The following PRKCE variants were observed in gnomAD, a reference collection of about 807,000 sequenced individuals.
PRKCE encodes the protein protein kinase C epsilon.
A neutral mutation model predicts 85.4 loss-of-function variants in PRKCE; 16 were observed. The observed-to-expected ratio is 0.19, with a 90% CI of 0.13 to 0.28. The LOEUF (loss-of-function observed/expected upper bound fraction) is 0.28. Ranked by LOEUF, PRKCE falls within the 10% of genes least tolerant of loss-of-function variation. PRKCE has a pLI of 1.00. For synonymous variants in PRKCE, 388 were observed against 371.5 expected (o/e 1.04, Z -0.51); for missense variants, 573 against 975.2 (o/e 0.59, Z 5.49).
At chr2:46,160,891 G>A (rs1423101865) in intron 14 of PRKCE, among the ~76,000 whole-genome samples, 2 of 152,190 alleles carry the variant, frequency 1.3e-5, no homozygotes, top group South Asian at 2.1e-4. Flanking sequence ...GTCAGTGGAC[G>A]GGTGTGGTCC....
chr2:45,938,569 C>T (rs1178921494), intron 2 of PRKCE, among the ~76,000 whole-genome samples: 3 of 152,150 alleles, frequency 2.0e-5, no homozygotes. Flanking sequence ...AGCCTTGCAG[C>T]AGCTATTTAT....
intron 1 of PRKCE, among the ~76,000 whole-genome samples, chr2:45,808,900 G>T (rs192933710): frequency 3.5e-4 from 53 of 152,260 alleles, no homozygotes; most frequent in Non-Finnish European, 5.6e-4. Context: ...CATGAACAGA[G>T]CTATAGTTTG....
Position 46,163,000 on chromosome 2 carries a change from A to G in PRKCE, c.2067+3248A>G, listed in dbSNP as rs180834964. The stretch of plus-strand genomic sequence containing the variant: ...TAAAGCCCATGGCAGTGATGCACAT[A>G]CTGCATTTCTCATCTCAGAAAGCCT... On this transcript the variant is annotated intron_variant, in intron 14 of 14. Transcript: ENST00000306156. Among the ~76,000 whole-genome samples the G allele has an allele frequency of 2.2e-3, 334 of 152,390 alleles. 1 individual carries two copies. Among genetic ancestry groups the G allele is most frequent in the Non-Finnish European group, 2.5e-3 (173 of 68,042 alleles).
At chr2:45,703,115 T>G (rs1260199710) in intron 1 of PRKCE, among the ~76,000 whole-genome samples, 5 of 75,364 alleles carry the variant, frequency 6.6e-5, no homozygotes, top group Non-Finnish European at 1.3e-4. Flanking sequence ...CCTCAGCTTC[T>G]GTTTTATTTA....
chr2:45,908,119 G>A (rs1290399181), intron 2 of PRKCE, among the ~76,000 whole-genome samples: 1 of 152,144 alleles, frequency 6.6e-6, no homozygotes, highest in Non-Finnish European at 1.5e-5. Flanking sequence ...TGATCATACC[G>A]CTGGCCAAGG....
chr2:45,967,854 CA>C (rs2104469797), intron 2 of PRKCE, among the ~76,000 whole-genome samples: 2 of 152,180 alleles, frequency 1.3e-5, no homozygotes, highest in African/African-American at 4.8e-5. Context: ...GGATATGAGG[CA>C]GGTTTTGGGA....
chr2:46,135,303 G>A (rs920677986), intron 11 of PRKCE, among the ~76,000 whole-genome samples: 1 of 152,212 alleles, frequency 6.6e-6, no homozygotes, highest in East Asian at 1.9e-4. Flanking sequence ...AAGGGCGGGC[G>A]TGTGGACACG....
intron 2 of PRKCE, among the ~76,000 whole-genome samples, chr2:45,964,820 T>A (rs781480356): frequency 1.3e-5 from 2 of 152,222 alleles, no homozygotes; most frequent in Non-Finnish European, 2.9e-5. Flanking sequence ...TGACTCAGTT[T>A]ACTCTAATGC....
At chr2:45,944,616 G>A (rs535964425) in intron 2 of PRKCE, among the ~76,000 whole-genome samples, 15 of 148,198 alleles carry the variant, frequency 1.0e-4, no homozygotes, top group Admixed American at 2.7e-4. Flanking sequence ...AGTCTCCCAA[G>A]TAGCCGGGAC....
At chr2:45,860,137 A>G (rs1693027635) in intron 2 of PRKCE, among the ~76,000 whole-genome samples, 1 of 152,144 alleles carries the variant, frequency 6.6e-6, no homozygotes, top group African/African-American at 2.4e-5. Flanking sequence ...AATCTTATCT[A>G]AGTTGTTTAT....
intron 2 of PRKCE, among the ~76,000 whole-genome samples, chr2:45,956,175 C>T (rs181060380): frequency 2.1e-4 from 32 of 152,268 alleles, no homozygotes; most frequent in South Asian, 2.1e-3. Flanking sequence ...AATAGAACTC[C>T]GCACTTTATA....
intron 1 of PRKCE, among the ~76,000 whole-genome samples, chr2:45,668,938 A>G (rs1402971766): frequency 2.6e-5 from 4 of 152,200 alleles, no homozygotes; most frequent in Non-Finnish European, 5.9e-5. Context: ...AGGGACTAGA[A>G]TGGGACTCAG....
intron 2 of PRKCE, among the ~76,000 whole-genome samples, chr2:45,878,925 G>T (rs1361264229): frequency 6.6e-6 from 1 of 152,138 alleles, no homozygotes; most frequent in Non-Finnish European, 1.5e-5. Flanking sequence ...GCCTATTGTA[G>T]ACATCTTTTT....
intron 10 of PRKCE, among the ~76,000 whole-genome samples, chr2:46,011,308 G>A (rs553970018): frequency 1.3e-5 from 2 of 152,354 alleles, no homozygotes; most frequent in African/African-American, 4.8e-5. Context: ...CCCTGAGGGT[G>A]ACATCATGGA....
At chr2:45,680,341 G>C (rs1014289623) in intron 1 of PRKCE, among the ~76,000 whole-genome samples, 2 of 152,202 alleles carry the variant, frequency 1.3e-5, no homozygotes, top group African/African-American at 2.4e-5. Flanking sequence ...GCATACAACC[G>C]CTCTGTGTGC....
In PRKCE at chr2:46,069,457, T is replaced by C. The variant is rs146595404; in HGVS notation, c.1438-16751T>C. On this transcript the variant is annotated intron_variant, in intron 10 of 14. Coordinates refer to ENST00000306156, the MANE Select transcript of PRKCE (RefSeq NM_005400.3). Reference sequence around the variant, plus strand: ...TACTCCAATCAACAATAAGAACAACTATAGGGTACTTAGAGTTTAGAACAT... The same window carrying C: ...TACTCCAATCAACAATAAGAACAACCATAGGGTACTTAGAGTTTAGAACAT... Among the ~76,000 whole-genome samples, 195 of 152,314 alleles carry C rather than the reference T, an allele frequency of 1.3e-3. 1 individual carries two copies. The East Asian group carries it at 0.014, about 11-fold the overall frequency.
At chr2:46,163,026 C>G (rs1347861468) in intron 14 of PRKCE, among the ~76,000 whole-genome samples, 7 of 152,232 alleles carry the variant, frequency 4.6e-5, no homozygotes, top group African/African-American at 1.4e-4. Context: ...CAGAAAGCCT[C>G]AAAAGACTAG....
chr2:46,080,972 T>TACACACACACACACACACAC (rs112421012), intron 10 of PRKCE, among the ~76,000 whole-genome samples: 24 of 147,692 alleles, frequency 1.6e-4, no homozygotes, highest in African/African-American at 5.0e-4. Flanking sequence ...CAGTTATGCA[T>TACACACACACACACACACAC]ACACACACAC....
At chr2:45,827,215 C>G (rs1323755836) in intron 1 of PRKCE, among the ~76,000 whole-genome samples, 1 of 152,260 alleles carries the variant, frequency 6.6e-6, no homozygotes, top group African/African-American at 2.4e-5. Context: ...CTGCTCCTCT[C>G]TCTGCACCAG....
Sources: allele counts gnomAD v4.1 joint callset (sites outside exome capture counted in the v4.1 genomes callset), GRCh38; gene constraint gnomAD v4.1.1; transcripts MANE v1.5; gene names NCBI Gene and HGNC (gene_info 2026-07-23, HGNC 2026-07-21).